SLC44A5: variants seen among roughly 807,000 people sequenced by gnomAD.
SLC44A5 encodes choline transporter-like protein 5.
In SLC44A5, 57 loss-of-function variants were observed where a neutral mutation model predicts 101.8. That is an observed-to-expected ratio of 0.56 (90% confidence interval 0.45 to 0.70). The LOEUF is 0.70. Among genes scored for constraint, SLC44A5 ranks in the 30% least tolerant of loss-of-function variants. SLC44A5 has a pLI of 0.00. For synonymous variants in SLC44A5, 281 were observed against 290.9 expected, an observed-to-expected ratio of 0.97 and a Z score of 0.35; for missense variants, 737 against 853.1, an observed-to-expected ratio of 0.86 and a Z score of 1.70.
chr1:75,716,958 C>T, the SLC44A5 span, among the ~76,000 whole-genome samples: 4 of 151,290 alleles, frequency 2.6e-5, no homozygotes, highest in Non-Finnish European at 4.4e-5. Flanking sequence ...CGTTTGAACC[C>T]GGGAGGCAGA....
intron 2 of SLC44A5, among the ~76,000 whole-genome samples, chr1:75,505,254 A>G (rs889044030): frequency 6.6e-6 from 1 of 152,126 alleles, no homozygotes; most frequent in Non-Finnish European, 1.5e-5. Context: ...TCTGTATTCA[A>G]TCCACTGATA....
intron 11 of SLC44A5, 149 bp from the exon 12 acceptor site, chr1:75,234,247 G>A (rs78968114): frequency 0.26 from 167,551 of 640,996 alleles, 23,338 homozygotes; most frequent in African/African-American, 0.36. Context: ...GTTAAAAAGT[G>A]TAAACAATGA....
intron 2 of SLC44A5, among the ~76,000 whole-genome samples, chr1:75,467,587 C>T (rs1291447932): frequency 6.6e-6 from 1 of 152,140 alleles, no homozygotes; most frequent in African/African-American, 2.4e-5. Flanking sequence ...GAGGAAAAGA[C>T]AGTCTCTTCG....
intron 2 of SLC44A5, among the ~76,000 whole-genome samples, chr1:75,477,960 C>G (rs1667542075): frequency 6.6e-6 from 1 of 151,890 alleles, no homozygotes; most frequent in Admixed American, 6.5e-5. Context: ...TCAGATTCAC[C>G]AAAGTTGAAA....
intron 3 of SLC44A5, among the ~76,000 whole-genome samples, chr1:75,354,947 C>T (rs1347509003): frequency 1.3e-5 from 2 of 152,132 alleles, no homozygotes; most frequent in Non-Finnish European, 2.9e-5. Context: ...CCTTCTTCTA[C>T]TTAGGTCAAC....
chr1:75,388,890 A>G (rs996023495), intron 3 of SLC44A5, among the ~76,000 whole-genome samples: 2 of 152,168 alleles, frequency 1.3e-5, no homozygotes, highest in African/African-American at 4.8e-5. Context: ...TCTTTTAAAA[A>G]AAAGACCCAA....
At chr1:75,561,425 TTG>T (rs1436496316) in intron 1 of SLC44A5, among the ~76,000 whole-genome samples, 1 of 152,162 alleles carries the variant, frequency 6.6e-6, no homozygotes, top group Non-Finnish European at 1.5e-5. Context: ...ACTTTTATTA[TTG>T]TCTGTCTCTT....
intron 2 of SLC44A5, among the ~76,000 whole-genome samples, chr1:75,409,274 C>G (rs762354837): frequency 2.6e-5 from 4 of 152,142 alleles, no homozygotes; most frequent in Non-Finnish European, 5.9e-5. Flanking sequence ...TTGTTTAGTA[C>G]CCTGAATATA....
intron 1 of SLC44A5, among the ~76,000 whole-genome samples, chr1:75,549,173 C>T (rs1305348404): frequency 6.6e-6 from 1 of 152,070 alleles, no homozygotes; most frequent in Non-Finnish European, 1.5e-5. Flanking sequence ...GACCAAATTC[C>T]CTTCTTGAAT....
chr1:75,342,567 C>A (rs1347909098), intron 3 of SLC44A5, among the ~76,000 whole-genome samples: 1 of 152,106 alleles, frequency 6.6e-6, no homozygotes, highest in East Asian at 1.9e-4. Flanking sequence ...TGTGTTGAAC[C>A]ATTTAGCAGT....
intron 3 of SLC44A5, among the ~76,000 whole-genome samples, chr1:75,371,607 C>T (rs1196943959): frequency 6.6e-6 from 1 of 152,004 alleles, no homozygotes; most frequent in South Asian, 2.1e-4. Context: ...TCAGATCCAT[C>T]CCAGAGTAGC....
intron 2 of SLC44A5, among the ~76,000 whole-genome samples, chr1:75,537,035 T>TAAAAGA (rs1557885327): frequency 2.3e-5 from 1 of 43,298 alleles, no homozygotes; most frequent in Non-Finnish European, 5.3e-5. Flanking sequence ...AAAAAAAAAA[T>TAAAAGA]ATATATCTAT....
At chr1:75,569,891 T>C (rs1204752287) in intron 1 of SLC44A5, among the ~76,000 whole-genome samples, 1 of 152,098 alleles carries the variant, frequency 6.6e-6, no homozygotes, top group Non-Finnish European at 1.5e-5. Context: ...GAAACACTAA[T>C]ACAGGAGAGG....
intron 3 of SLC44A5, among the ~76,000 whole-genome samples, chr1:75,363,024 T>C (rs752910639): frequency 6.6e-6 from 1 of 152,100 alleles, no homozygotes; most frequent in Non-Finnish European, 1.5e-5. Flanking sequence ...ACAATTTGCA[T>C]ATCCTCTCGA....
chr1:75,305,698 T>A (rs748055898), intron 4 of SLC44A5, among the ~76,000 whole-genome samples: 2 of 152,102 alleles, frequency 1.3e-5, no homozygotes, highest in Non-Finnish European at 2.9e-5. Context: ...CCAATTTGCA[T>A]GGGATAGCCA....
intron 2 of SLC44A5, among the ~76,000 whole-genome samples, chr1:75,414,370 T>C (rs1663496334): frequency 6.6e-6 from 1 of 151,512 alleles, no homozygotes; most frequent in South Asian, 2.1e-4. Context: ...TATCTTTTCC[T>C]CTTGTGAAGA....
chr1:75,606,419 T>A (rs1675328311), intron 1 of SLC44A5, among the ~76,000 whole-genome samples: 1 of 151,922 alleles, frequency 6.6e-6, no homozygotes, highest in Non-Finnish European at 1.5e-5. Context: ...AAATTTAAAA[T>A]AGTAAAAGAG....
At chr1:75,250,992 G>A (rs752694921) in intron 7 of SLC44A5, among the ~76,000 whole-genome samples, 14 of 152,052 alleles carry the variant, frequency 9.2e-5, no homozygotes, top group Non-Finnish European at 1.9e-4. Flanking sequence ...GACAATCATC[G>A]AGCTTCCTAA....
chr1:75,482,281 G>T (rs995170143), intron 2 of SLC44A5, among the ~76,000 whole-genome samples: 14 of 150,604 alleles, frequency 9.3e-5, no homozygotes, highest in African/African-American at 3.2e-4. Flanking sequence ...GGGGTGGGGG[G>T]ACGGGGGAGG....
Sources: allele counts gnomAD v4.1 joint callset (sites outside exome capture counted in the v4.1 genomes callset), GRCh38; gene constraint gnomAD v4.1.1; transcripts MANE v1.5; gene names NCBI Gene and HGNC (gene_info 2026-07-23, HGNC 2026-07-21).